Variants in TRIM55 observed in about 807,000 individuals in gnomAD.
TRIM55 encodes the protein tripartite motif-containing protein 55.
Under a neutral mutation model 60.9 loss-of-function variants are expected in TRIM55, and 50 were observed. That is an observed-to-expected ratio of 0.82 (90% CI 0.65 to 1.04). The LOEUF (loss-of-function observed/expected upper bound fraction) is 1.04, where lower values mean the gene tolerates loss of function less well. Ranked by LOEUF, TRIM55 falls within the 50% of genes least tolerant of loss-of-function variation. The pLI is 0.00. For missense variants in TRIM55, 681 were observed against 666.9 expected, an observed-to-expected ratio of 1.02 and a Z score of -0.23; for synonymous variants, 237 against 238.1, an observed-to-expected ratio of 1.00 and a Z score of 0.04.
chr8:66,173,772 T>A (rs1811768816), intron 9 of TRIM55, among the ~76,000 whole-genome samples: 1 of 152,234 alleles, frequency 6.6e-6, no homozygotes, highest in Non-Finnish European at 1.5e-5. Context: ...TAAATTTTGC[T>A]TATGACATAG....
At chr8:66,135,413 C>T (rs1046561265) in intron 3 of TRIM55, among the ~76,000 whole-genome samples, 17 of 152,302 alleles carry the variant, frequency 1.1e-4, no homozygotes, top group East Asian at 1.9e-4. Flanking sequence ...TGGTGCAGAA[C>T]GGCACGATCC....
chr8:66,144,177 A>G (rs1273235331), intron 4 of TRIM55, among the ~76,000 whole-genome samples: 3 of 152,186 alleles, frequency 2.0e-5, no homozygotes, highest in Non-Finnish European at 4.4e-5. Context: ...TTACCTACTC[A>G]CTTCTAAGGA....
chr8:66,122,147 G>T (rs866764787), upstream of TRIM55, among the ~76,000 whole-genome samples: 1 of 152,170 alleles, frequency 6.6e-6, no homozygotes, highest in Non-Finnish European at 1.5e-5. Context: ...ATGTTGGGAA[G>T]GGAAAATAAA....
chr8:66,122,485 T>C (rs1808669879), upstream of TRIM55, among the ~76,000 whole-genome samples: 1 of 152,144 alleles, frequency 6.6e-6, no homozygotes, highest in South Asian at 2.1e-4. Context: ...TCTGATCACC[T>C]TGGGCACACG....
the TRIM55 span, among the ~76,000 whole-genome samples, chr8:66,120,645 A>G: frequency 3.3e-5 from 5 of 152,310 alleles, no homozygotes; most frequent in East Asian, 7.7e-4. Flanking sequence ...CTCTGTGTGC[A>G]TTGTTACACA....
chr8:66,163,756 TG>T (rs1782543261), intron 9 of TRIM55, among the ~76,000 whole-genome samples: 1 of 152,338 alleles, frequency 6.6e-6, no homozygotes, highest in African/African-American at 2.4e-5. Context: ...CTGTTGTTGT[TG>T]GGCATGGTGT....
At chr8:66,125,582 A>G (rs1382738226), upstream of TRIM55, among the ~76,000 whole-genome samples, 2 of 152,254 alleles carry the variant, frequency 1.3e-5, no homozygotes, top group Non-Finnish European at 2.9e-5. Flanking sequence ...TCCATAGCCC[A>G]TGAATTGATA....
At chr8:66,135,297 A>G (rs1809419946) in intron 3 of TRIM55, 142 bp downstream of exon 3, 3 of 819,302 alleles carry the variant, frequency 3.7e-6, no homozygotes, top group Non-Finnish European at 6.0e-6. Context: ...AGGGCACACA[A>G]GGTCTGCAGG....
chr8:66,140,354 T>G (rs1809736576), intron 4 of TRIM55, among the ~76,000 whole-genome samples: 1 of 152,268 alleles, frequency 6.6e-6, no homozygotes, highest in African/African-American at 2.4e-5. Context: ...ATTCACATTT[T>G]TATAAAGTAA....
rs757980311 is a variant in TRIM55, at chr8:66,137,165, T to A, written c.578T>A (p.Leu193Gln). 3.7e-6 allele frequency: 6 copies of A among 1,614,042 alleles called. No individual in the cohort carries two copies. The African/African-American group carries it at 6.7e-5, about 18-fold the overall frequency. The stretch of plus-strand genomic sequence containing the variant: ...CGAGTCCAGGGAGTGATCAGCCAGC[T>A]GGAAGACACCTGCAAAACTATCGAG... ...NDRVQGVISQ[L>Q]EDTCKTIEEC... Residue 193 changes from leucine (L) to glutamine (Q), a missense_variant, in exon 4 of 10, where the codon CTG (leucine) becomes CAG (glutamine). Transcript: ENST00000315962.
chr8:66,121,740 G>A, the TRIM55 span, among the ~76,000 whole-genome samples: 15 of 152,280 alleles, frequency 9.9e-5, no homozygotes, highest in African/African-American at 2.4e-4. Context: ...TTATCCAACC[G>A]TAGGGCAGCC....
At chr8:66,127,022 G>A (rs992373643), upstream of TRIM55, 7 of 366,550 alleles carry the variant, frequency 1.9e-5, no homozygotes, top group South Asian at 1.3e-4. Context: ...CCTGCTCTCC[G>A]TCACCTGTCA....
chr8:66,141,834 C>A lies in TRIM55; in HGVS notation c.603+4644C>A, dbSNP rs143281879. 5.1e-3 allele frequency among the ~76,000 whole-genome samples: 775 copies of A among 152,300 alleles called. 6 individuals carry two copies. The highest frequency in any genetic ancestry group is 8.0e-3 in the Non-Finnish European group (544 of 68,032). ...CAGTGATAACAAATTCATTGTATTT[C>A]CAAAACAGTGATTTTACCCAAAATG... On this transcript the variant is annotated intron_variant, in intron 4 of 9. Transcript: ENST00000315962.
At position 66,150,419 on chromosome 8, in the gene TRIM55, A is replaced by G; in HGVS notation, c.938A>G (p.Asn313Ser). 1 of 1,614,204 alleles carries G rather than the reference A, an allele frequency of 6.2e-7. No homozygotes were observed. The highest frequency in any genetic ancestry group is 8.5e-7 in the Non-Finnish European group (1 of 1,180,022). ...GAGAACATGAACCACTTCACAGTCA[A>G]CCTCAATAGAGAAGAAAAGATAATA... ...GYENMNHFTVNLNREEKIIRE... is the reference protein window; with the variant it reads ...GYENMNHFTVSLNREEKIIRE... The change falls in exon 7 of 10, where the codon AAC becomes AGC. Residue 313 changes from asparagine (N) to serine (S), a missense_variant. Physicochemically the swap from Asn to Ser is conservative, Grantham distance 46 (BLOSUM62 1). Transcript: ENST00000315962.
At chr8:66,169,930 T>C (rs1811528128) in intron 9 of TRIM55, among the ~76,000 whole-genome samples, 1 of 152,220 alleles carries the variant, frequency 6.6e-6, no homozygotes, top group Non-Finnish European at 1.5e-5. Flanking sequence ...ATGCAGAATA[T>C]AGATTTACCA....
chr8:66,154,263 G>A lies in TRIM55; in HGVS notation c.1453G>A (p.Ala485Thr), dbSNP rs978255537. The change falls in exon 9 of 10, where the codon GCA becomes ACA. Residue 485 changes from alanine to threonine, a missense_variant. By Grantham distance (58) the Ala-to-Thr change is moderately conservative. Transcript: ENST00000315962. ...TTCGAATGTACGGAAGGCAGAAGTG[G>A]CAGCAGCCGCAGCGAGTGAGAGGGC... ...EDSNVRKAEV[A>T]AAAASERAAV... The A allele has an allele frequency of 1.2e-6, 2 of 1,613,198 alleles. No homozygotes were observed. Among genetic ancestry groups the A allele is most frequent in the Non-Finnish European group, 1.7e-6 (2 of 1,179,868 alleles).
chr8:66,137,758 G>GAAAA (rs34634925), intron 4 of TRIM55, among the ~76,000 whole-genome samples: 36 of 116,304 alleles, frequency 3.1e-4, no homozygotes, highest in Admixed American at 6.4e-4. Context: ...AATCAACACT[G>GAAAA]AAAAAAAAAA....
chr8:66,140,402 G>A (rs868360142), intron 4 of TRIM55, among the ~76,000 whole-genome samples: 10 of 152,244 alleles, frequency 6.6e-5, no homozygotes, highest in Non-Finnish European at 4.4e-5. Context: ...TAAAGAATAA[G>A]TGAATATGAC....
chr8:66,164,933 AGAAG>A (rs66566563), intron 9 of TRIM55, among the ~76,000 whole-genome samples: 35,789 of 148,820 alleles, frequency 0.24, 5,120 homozygotes, highest in Middle Eastern at 0.38. Context: ...GAAGGAGGAA[AGAAG>A]GAAGGAAGGA....
Sources: gnomAD v4.1 joint callset for allele counts (sites outside exome capture counted in the v4.1 genomes callset) on GRCh38, gnomAD v4.1.1 for gene constraint, MANE v1.5 for transcripts, NCBI Gene and HGNC (gene_info 2026-07-23, HGNC 2026-07-21) for gene names.